The following RAD54B variants were observed in gnomAD, a reference collection of about 807,000 sequenced individuals.
RAD54B encodes RAD54 homolog B.
A neutral mutation model predicts 95.8 loss-of-function variants in RAD54B; 78 were observed. The observed-to-expected ratio is 0.81, with a 90% confidence interval of 0.68 to 0.98. The LOEUF is 0.98. Among genes scored for constraint, RAD54B ranks in the 50% least tolerant of loss-of-function variants. The pLI is 0.00. For missense variants in RAD54B, 957 were observed against 1,056.6 expected (o/e 0.91, Z 1.31); for synonymous variants, 328 against 354.9 (o/e 0.92, Z 0.85).
intron 10 of RAD54B, among the ~76,000 whole-genome samples, chr8:94,390,419 G>A (rs1349285850): frequency 6.6e-6 from 1 of 151,384 alleles, no homozygotes; most frequent in African/African-American, 2.4e-5. Context: ...AGAATCGCTT[G>A]AACGTGGGAG....
intron 1 of RAD54B, among the ~76,000 whole-genome samples, chr8:94,473,024 T>G (rs1015081492): frequency 6.7e-6 from 1 of 149,942 alleles, no homozygotes; most frequent in Admixed American, 6.7e-5. Context: ...ACCTTGGGCA[T>G]CCATCAAGCC....
At chr8:94,431,858 T>C in intron 3 of RAD54B, 1 of 1,109,622 alleles carries the variant, frequency 9.0e-7, no homozygotes, top group South Asian at 3.4e-5. Flanking sequence ...CATTTGTGTA[T>C]ATCTTAGTGA....
At chr8:94,466,055 G>A (rs1051883105) in intron 2 of RAD54B, among the ~76,000 whole-genome samples, 2 of 152,080 alleles carry the variant, frequency 1.3e-5, no homozygotes, top group East Asian at 1.9e-4. Flanking sequence ...TTCTGTTTGG[G>A]GTAATGAAAA....
chr8:94,403,794 A>G (rs1185588283), intron 6 of RAD54B, among the ~76,000 whole-genome samples: 1 of 152,130 alleles, frequency 6.6e-6, no homozygotes, highest in Admixed American at 6.6e-5. Context: ...GGTCAATTGC[A>G]TTTATCTGTT....
intron 5 of RAD54B, 45 bp from the exon 6 acceptor site, chr8:94,404,284 A>C (rs775814877): frequency 1.4e-6 from 2 of 1,468,426 alleles, no homozygotes; most frequent in Non-Finnish European, 1.8e-6. Flanking sequence ...TCACTTTTTC[A>C]GCAACCAACA....
Position 94,458,418 on chromosome 8 carries a change from T to C in RAD54B, c.154A>G (p.Thr52Ala). ...AGATCATTTTGTGACGGGAGAAAGG[T>C]GTTATTAATTGCAACACCCTAAAAG... is the stretch of plus-strand genomic sequence containing the variant. The part of the protein sequence containing the change: ...KLFEGVAINN[T>A]FLPSQNDLRI... Residue 52 changes from threonine (T) to alanine (A), a missense_variant, in exon 3 of 15, where the codon ACC becomes GCC. By Grantham distance (58) the Thr-to-Ala change is moderately conservative. Transcript: ENST00000336148. 6.3e-7 allele frequency: 1 copy of C among 1,590,408 alleles called. No homozygotes were observed. Among genetic ancestry groups the C allele is most frequent in the East Asian group, 2.3e-5 (1 of 44,066 alleles).
chr8:94,416,147 A>C (rs2130054166), intron 3 of RAD54B, among the ~76,000 whole-genome samples: 1 of 151,860 alleles, frequency 6.6e-6, no homozygotes, highest in East Asian at 1.9e-4. Flanking sequence ...CTGGATTAAG[A>C]AAATGTGGCA....
chr8:94,439,094 A>G (rs1812337117), intron 3 of RAD54B, among the ~76,000 whole-genome samples: 1 of 152,182 alleles, frequency 6.6e-6, no homozygotes, highest in Non-Finnish European at 1.5e-5. Context: ...CCTGCCTCAA[A>G]AAAAGAAAAA....
At chr8:94,400,216 G>T in intron 7 of RAD54B, 22 bp downstream of exon 7, 1 of 1,591,212 alleles carries the variant, frequency 6.3e-7, no homozygotes, top group Non-Finnish European at 8.6e-7. Context: ...AATGACTAAG[G>T]CTAAACTTTT....
intron 8 of RAD54B, among the ~76,000 whole-genome samples, 172 bp downstream of exon 8, chr8:94,399,242 A>T (rs996000921): frequency 4.6e-5 from 7 of 152,156 alleles, no homozygotes; most frequent in Middle Eastern, 3.2e-3. Context: ...GCTACAGAAA[A>T]TTACACATGG....
rs375293719 is a variant in RAD54B at position 94,459,501 on chromosome 8, AG to A, written c.136-1066del. ...CATATTCTAAAAATTTACAAATGAAAGCATATTCCTGGAATTTGCATCAAAA... is the reference window on the plus strand; with the variant it reads ...CATATTCTAAAAATTTACAAATGAAACATATTCCTGGAATTTGCATCAAAA... On this transcript the variant is annotated intron_variant, in intron 2 of 14. Coordinates refer to ENST00000336148, the MANE Select transcript of RAD54B (RefSeq NM_012415.3). 1.3e-3 allele frequency among the ~76,000 whole-genome samples: 191 copies of A among 152,188 alleles called. 1 individual carries two copies. The highest frequency in any genetic ancestry group is 4.4e-3 in the African/African-American group (183 of 41,542).
intron 3 of RAD54B, among the ~76,000 whole-genome samples, chr8:94,422,617 A>AAAATATATATATAT (rs1554606249): frequency 2.3e-5 from 1 of 43,572 alleles, no homozygotes; most frequent in African/African-American, 1.0e-4. Flanking sequence ...AAAAAAAAAA[A>AAAATATATATATAT]ATATATATAT....
chr8:94,400,581 T>C (rs987756859), intron 6 of RAD54B, 118 bp from the exon 7 acceptor site: 3 of 740,022 alleles, frequency 4.1e-6, no homozygotes, highest in African/African-American at 3.6e-5. Flanking sequence ...TAGTACTTCA[T>C]TAGCTGATTT....
chr8:94,449,069 T>C (rs200456491), intron 3 of RAD54B, among the ~76,000 whole-genome samples: 68 of 116,638 alleles, frequency 5.8e-4, no homozygotes, highest in Middle Eastern at 4.6e-3. Context: ...CACACACACA[T>C]ACACACATAT....
intron 8 of RAD54B, among the ~76,000 whole-genome samples, chr8:94,396,515 AG>A (rs573273403): frequency 5.3e-5 from 8 of 152,190 alleles, no homozygotes; most frequent in African/African-American, 1.9e-4. Context: ...GAAAGCTCTG[AG>A]AGCTTTTTAT....
At chr8:94,414,372 G>C (rs1214545452) in intron 3 of RAD54B, among the ~76,000 whole-genome samples, 1 of 152,136 alleles carries the variant, frequency 6.6e-6, no homozygotes, top group African/African-American at 2.4e-5. Flanking sequence ...TGTTGAATAG[G>C]AGTGGTGAGA....
intron 3 of RAD54B, among the ~76,000 whole-genome samples, chr8:94,414,010 A>G (rs1811593050): frequency 6.6e-6 from 1 of 151,654 alleles, no homozygotes; most frequent in East Asian, 1.9e-4. Context: ...TGATTTTTGT[A>G]CTTTTAGCAG....
intron 11 of RAD54B, among the ~76,000 whole-genome samples, chr8:94,385,899 G>A (rs7813379): frequency 1.0e-3 from 158 of 152,324 alleles, no homozygotes; most frequent in Middle Eastern, 0.01. Context: ...TGGTATGTGT[G>A]AAGGAGTGAT....
chr8:94,379,705 G>GA, intron 12 of RAD54B, among the ~76,000 whole-genome samples: 1 of 152,306 alleles, frequency 6.6e-6, no homozygotes, highest in East Asian at 1.9e-4. Context: ...GTACTCTAAA[G>GA]AAAACCAAAG....
Sources: allele counts gnomAD v4.1 joint callset (sites outside exome capture counted in the v4.1 genomes callset), GRCh38; gene constraint gnomAD v4.1.1; transcripts MANE v1.5; gene names NCBI Gene and HGNC (gene_info 2026-07-23, HGNC 2026-07-21).